The following HSP90AA1 variants were observed in gnomAD, a reference collection of about 807,000 sequenced individuals.
The protein encoded by HSP90AA1 is heat shock protein 90 alpha family class A member 1, also known as heat shock protein HSP 90-alpha.
HSP90AA1 carries 18 observed loss-of-function variants against 73.3 expected under a neutral mutation model. The observed-to-expected ratio is 0.25, with a 90% CI of 0.17 to 0.36. HSP90AA1 has a LOEUF of 0.36. Ranked by LOEUF, HSP90AA1 falls within the 10% of genes least tolerant of loss-of-function variation. HSP90AA1 has a pLI of 1.00. For missense variants in HSP90AA1, 704 were observed against 874.2 expected, an observed-to-expected ratio of 0.81 and a Z score of 2.45; for synonymous variants, 477 against 296.9, an observed-to-expected ratio of 1.61 and a Z score of -6.24.
chr14:102,120,471 T>C (rs969764686), intron 1 of HSP90AA1, among the ~76,000 whole-genome samples: 1 of 152,200 alleles, frequency 6.6e-6, no homozygotes, highest in Non-Finnish European at 1.5e-5. Flanking sequence ...AGAGATTTTA[T>C]ATATTTTGTC....
chr14:102,125,136 C>G (rs1366401789), intron 1 of HSP90AA1, among the ~76,000 whole-genome samples: 1 of 152,064 alleles, frequency 6.6e-6, no homozygotes, highest in African/African-American at 2.4e-5. Flanking sequence ...GGACTATAGC[C>G]ATGTATCACC....
chr14:102,138,128 G>C (rs960883371), intron 1 of HSP90AA1, among the ~76,000 whole-genome samples: 1 of 152,244 alleles, frequency 6.6e-6, no homozygotes, highest in African/African-American at 2.4e-5. Flanking sequence ...TAGAATGCTT[G>C]AATTATATAG....
Position 102,108,793 on chromosome 14 carries a change from C to T in HSP90AA1, c.156-6708G>A, listed in dbSNP as rs139350059. On this transcript the variant is annotated intron_variant, in intron 1 of 11. Transcript: ENST00000334701. ...CTCATGATCCACCCACCTCGGCCTC[C>T]CAAAGTGCTGGGATTACAGGTGTGA... 1.9e-3 allele frequency among the ~76,000 whole-genome samples: 284 copies of T among 152,120 alleles called. 1 individual carries two copies. Among genetic ancestry groups the T allele is most frequent in the Middle Eastern group, 0.01 (3 of 294 alleles).
At chr14:102,085,122 C>A in intron 4 of HSP90AA1, 124 bp from the exon 5 acceptor site, 1 of 1,541,950 alleles carries the variant, frequency 6.5e-7, no homozygotes, top group Non-Finnish European at 8.9e-7. Context: ...CCCAGCTTTT[C>A]ATCAATATTT....
rs765293302 is a variant in HSP90AA1 at position 102,083,500 on chromosome 14, A to G, written c.1486+46T>C. On this transcript the variant is annotated intron_variant, in intron 8 of 10. Transcript: ENST00000216281. ...AGAAAACACACCCACAGAGCCTACA[A>G]GATTGTAAGAACGACGTGTATGACT... 22 of 1,581,350 alleles carry G rather than the reference A, an allele frequency of 1.4e-5. No homozygotes were observed. In the Admixed American group the frequency reaches 2.2e-4, roughly 16 times the overall value.
At chr14:102,119,783 G>C (rs1403086711) in intron 1 of HSP90AA1, among the ~76,000 whole-genome samples, 1 of 152,036 alleles carries the variant, frequency 6.6e-6, no homozygotes, top group African/African-American at 2.4e-5. Context: ...CACCACACCC[G>C]GCCGTTTTCC....
chr14:102,118,289 G>A (rs2049732060), intron 1 of HSP90AA1, among the ~76,000 whole-genome samples: 1 of 152,176 alleles, frequency 6.6e-6, no homozygotes, highest in Admixed American at 6.5e-5. Flanking sequence ...TGGTTTATCA[G>A]ATAAAAAACC....
At chr14:102,088,568 G>T (rs542973985), upstream of HSP90AA1, among the ~76,000 whole-genome samples, 7 of 152,344 alleles carry the variant, frequency 4.6e-5, no homozygotes, top group African/African-American at 1.7e-4. Flanking sequence ...CACGTGGCGC[G>T]GGCCCCAGCG....
intron 6 of HSP90AA1, 26 bp downstream of exon 6, chr14:102,084,373 T>G: frequency 6.2e-7 from 1 of 1,600,802 alleles, no homozygotes; most frequent in Non-Finnish European, 8.6e-7. Context: ...TCAGTGACAG[T>G]GATTATTTTT....
Position 102,084,718 on chromosome 14 carries a change from C to A in HSP90AA1, c.944G>T (p.Ser315Ile). The change falls in exon 5 of 11, where the codon AGC (serine) becomes ATC (isoleucine). Residue 315 changes from serine to isoleucine, a missense_variant. By Grantham distance (142) the Ser-to-Ile change is moderately radical. Transcript: ENST00000216281. ...GTGATCTTCCCAGTCATTGGTCAAGCTCTTATAGAATTCTCCGTACTCCTC... is the reference window on the plus strand; with the variant it reads ...GTGATCTTCCCAGTCATTGGTCAAGATCTTATAGAATTCTCCGTACTCCTC... ...TNEEYGEFYK[S>I]LTNDWEDHLA... The A allele has an allele frequency of 6.2e-7, 1 of 1,614,084 alleles. No homozygotes were observed. The highest frequency in any genetic ancestry group is 8.5e-7 in the Non-Finnish European group (1 of 1,180,006).
chr14:102,135,781 AGCAGG>A (rs909022812), intron 1 of HSP90AA1, among the ~76,000 whole-genome samples: 11 of 152,238 alleles, frequency 7.2e-5, no homozygotes, highest in African/African-American at 2.7e-4. Context: ...GCCCGGGGCC[AGCAGG>A]GCTGGCTGGC....
intron 1 of HSP90AA1, among the ~76,000 whole-genome samples, chr14:102,104,272 A>G (rs2049533728): frequency 6.6e-6 from 1 of 152,060 alleles, no homozygotes; most frequent in African/African-American, 2.4e-5. Flanking sequence ...TGCAACGGCA[A>G]GATCTTGGCT....
exon 1 of HSP90AA1, chr14:102,139,285 G>A (rs1464105285): frequency 6.2e-7 from 1 of 1,613,946 alleles, no homozygotes; most frequent in African/African-American, 1.3e-5. Context: ...CTTCAGAGGG[G>A]CTTCCTGGGC....
intron 9 of HSP90AA1, chr14:102,082,786 ATTT>A (rs927864696): frequency 1.9e-6 from 1 of 513,212 alleles, no homozygotes; most frequent in Non-Finnish European, 3.5e-6. Context: ...CGCCTGGTTT[ATTT>A]TTTTCTATTT....
intron 1 of HSP90AA1, among the ~76,000 whole-genome samples, chr14:102,112,641 G>C (rs572564569): frequency 1.3e-5 from 2 of 152,192 alleles, no homozygotes; most frequent in Non-Finnish European, 2.9e-5. Flanking sequence ...ACCATGTGCA[G>C]CTAAGTTTTA....
upstream of HSP90AA1, among the ~76,000 whole-genome samples, chr14:102,089,048 G>T (rs910405130): frequency 6.6e-6 from 1 of 152,020 alleles, no homozygotes; most frequent in East Asian, 1.9e-4. Context: ...AGCCTCCCGA[G>T]TAGCTGGGAT....
chr14:102,120,361 C>G (rs995123708), intron 1 of HSP90AA1, among the ~76,000 whole-genome samples: 1 of 151,880 alleles, frequency 6.6e-6, no homozygotes, highest in African/African-American at 2.4e-5. Context: ...CCTGTCCCAC[C>G]CTCCCCCACG....
rs2049137078 is a variant in HSP90AA1, at chr14:102,083,094, T to C, written c.1695A>G (p.Lys565=). Residue 565 remains lysine, a synonymous_variant, in exon 9 of 11, where the codon AAA becomes AAG. Transcript: ENST00000216281. Reference sequence around the variant, plus strand: ...TTTTGCAGAGGTTCTCAAACTTTGTTTTTTTCTCTTCCTGCTTCTTTTTCT... The same window carrying C: ...TTTTGCAGAGGTTCTCAAACTTTGTCTTTTTCTCTTCCTGCTTCTTTTTCT... ...EEEKKKQEEK[K]TKFENLCKIM... 1 of 1,613,948 alleles carries C rather than the reference T, an allele frequency of 6.2e-7. No individual in the cohort carries two copies. The highest frequency in any genetic ancestry group is 2.2e-5 in the East Asian group (1 of 44,886).
At chr14:102,096,324 C>T (rs1404029375) in intron 2 of HSP90AA1, among the ~76,000 whole-genome samples, 1 of 152,154 alleles carries the variant, frequency 6.6e-6, no homozygotes, top group Non-Finnish European at 1.5e-5. Flanking sequence ...CATTCTCTCG[C>T]CCCTCCCTCC....
Sources: gnomAD v4.1 joint callset for allele counts (sites outside exome capture counted in the v4.1 genomes callset) on GRCh38, gnomAD v4.1.1 for gene constraint, MANE v1.5 for transcripts, NCBI Gene and HGNC (gene_info 2026-07-23, HGNC 2026-07-21) for gene names.